Variants in ZNF407 observed in about 807,000 individuals in gnomAD.
The protein encoded by ZNF407 is zinc finger protein 407.
ZNF407 carries 17 observed loss-of-function variants against 131.2 expected under a neutral mutation model. The observed-to-expected ratio is 0.13, with a 90% confidence interval of 0.09 to 0.19. The LOEUF (loss-of-function observed/expected upper bound fraction) is 0.19. Ranked by LOEUF, ZNF407 falls within the 10% of genes least tolerant of loss-of-function variation. The pLI is 1.00. For synonymous variants in ZNF407, 1,156 were observed against 1,062.0 expected, an observed-to-expected ratio of 1.09 and a Z score of -1.72; for missense variants, 2,681 against 2,830.6, an observed-to-expected ratio of 0.95 and a Z score of 1.20.
At chr18:74,909,214 G>A (rs1207168729) in intron 7 of ZNF407, among the ~76,000 whole-genome samples, 1 of 151,836 alleles carries the variant, frequency 6.6e-6, no homozygotes, top group Non-Finnish European at 1.5e-5. Context: ...TAACTGTTTG[G>A]GAATCTATTT....
At chr18:74,881,422 G>A (rs28733896) in intron 6 of ZNF407, among the ~76,000 whole-genome samples, 4,449 of 152,194 alleles carry the variant, frequency 0.029, 213 homozygotes, top group African/African-American at 0.099. Flanking sequence ...TTCTCTGTCC[G>A]CAAATCTCTG....
chr18:74,671,733 A>G (rs1221334003), intron 3 of ZNF407, among the ~76,000 whole-genome samples: 1 of 152,124 alleles, frequency 6.6e-6, no homozygotes, highest in Non-Finnish European at 1.5e-5. Context: ...ATGCCACAAA[A>G]TCCCTTTTGT....
intron 4 of ZNF407, among the ~76,000 whole-genome samples, chr18:74,861,755 G>A (rs1470733535): frequency 6.6e-6 from 1 of 151,896 alleles, no homozygotes; most frequent in Non-Finnish European, 1.5e-5. Flanking sequence ...TTTTATATTC[G>A]TGTTATATTC....
At chr18:74,858,222 A>G (rs1970887478) in intron 4 of ZNF407, among the ~76,000 whole-genome samples, 1 of 150,020 alleles carries the variant, frequency 6.7e-6, no homozygotes, top group Non-Finnish European at 1.5e-5. Context: ...TCCTCATGAC[A>G]GAAATAATGA....
At chr18:75,020,367 C>A (rs115141195) in intron 8 of ZNF407, among the ~76,000 whole-genome samples, 2,065 of 151,524 alleles carry the variant, frequency 0.014, 43 homozygotes, top group African/African-American at 0.046. Context: ...CTGGTACTAT[C>A]TGTGATTTCA....
intron 1 of ZNF407, among the ~76,000 whole-genome samples, chr18:74,623,466 A>T (rs557724957): frequency 6.6e-6 from 1 of 152,298 alleles, no homozygotes; most frequent in East Asian, 1.9e-4. Context: ...GAAATGAGAG[A>T]TTGAAATGAG....
At chr18:74,605,135 A>G (rs907913889) in intron 1 of ZNF407, among the ~76,000 whole-genome samples, 1 of 152,112 alleles carries the variant, frequency 6.6e-6, no homozygotes, top group African/African-American at 2.4e-5. Flanking sequence ...TTCTCTTGAT[A>G]TTTGGGGTCT....
At chr18:74,880,962 C>T in intron 5 of ZNF407, 74 bp from the exon 6 acceptor site, 1 of 1,276,396 alleles carries the variant, frequency 7.8e-7, no homozygotes. Flanking sequence ...AATTAGTAAC[C>T]CTGAAAGCCT....
chr18:74,612,924 G>A (rs1983127720), intron 1 of ZNF407, among the ~76,000 whole-genome samples: 1 of 152,202 alleles, frequency 6.6e-6, no homozygotes, highest in Admixed American at 6.5e-5. Flanking sequence ...GCAGAAATGG[G>A]AGTGTGGAAG....
chr18:74,822,403 AC>A (rs1188674103), intron 4 of ZNF407, among the ~76,000 whole-genome samples: 1 of 152,068 alleles, frequency 6.6e-6, no homozygotes, highest in Non-Finnish European at 1.5e-5. Flanking sequence ...TTTAGGTCTT[AC>A]TCTTAAGTCT....
At chr18:74,901,404 C>A (rs1367599136) in intron 7 of ZNF407, among the ~76,000 whole-genome samples, 1 of 152,206 alleles carries the variant, frequency 6.6e-6, no homozygotes, top group African/African-American at 2.4e-5. Flanking sequence ...ACTTTTGGCA[C>A]CATTTCTGCA....
chr18:74,872,766 GA>G (rs5826351), intron 4 of ZNF407, among the ~76,000 whole-genome samples: 58,333 of 123,152 alleles, frequency 0.47, 12,953 homozygotes, highest in Non-Finnish European at 0.56. Flanking sequence ...AAAAAAAAAA[GA>G]AAAAAAAAAA....
intron 3 of ZNF407, among the ~76,000 whole-genome samples, chr18:74,711,153 G>A (rs1274235679): frequency 6.6e-6 from 1 of 152,094 alleles, no homozygotes; most frequent in Admixed American, 6.5e-5. Flanking sequence ...TTCAAAATAA[G>A]TCGCCTAAAA....
chr18:74,616,433 T>G (rs1405187552), intron 1 of ZNF407, among the ~76,000 whole-genome samples: 1 of 152,066 alleles, frequency 6.6e-6, no homozygotes, highest in African/African-American at 2.4e-5. Flanking sequence ...AAGAAAACCT[T>G]TGTCGTTTTT....
At chr18:74,965,205 G>A (rs565581170) in intron 8 of ZNF407, among the ~76,000 whole-genome samples, 2 of 152,130 alleles carry the variant, frequency 1.3e-5, no homozygotes, top group South Asian at 2.1e-4. Context: ...AAATTATTAT[G>A]TACTATAGTT....
At chr18:74,809,883 T>A (rs1970169772) in intron 4 of ZNF407, among the ~76,000 whole-genome samples, 1 of 152,122 alleles carries the variant, frequency 6.6e-6, no homozygotes, top group Admixed American at 6.6e-5. Context: ...GTCAGATTGG[T>A]GATAAATGTT....
intron 4 of ZNF407, among the ~76,000 whole-genome samples, chr18:74,813,780 G>T (rs146164174): frequency 1.3e-5 from 2 of 152,158 alleles, no homozygotes; most frequent in Admixed American, 6.5e-5. Flanking sequence ...CTTGAAGGAC[G>T]TGGTGGTTGT....
intron 4 of ZNF407, among the ~76,000 whole-genome samples, chr18:74,836,040 GGCAC>G: frequency 6.6e-6 from 1 of 151,792 alleles, no homozygotes; most frequent in East Asian, 1.9e-4. Context: ...AGGAAATTAG[GGCAC>G]AATTAGATGT....
At chr18:74,724,544 G>C (rs75522270) in intron 3 of ZNF407, among the ~76,000 whole-genome samples, 1 of 151,772 alleles carries the variant, frequency 6.6e-6, no homozygotes, top group South Asian at 2.1e-4. Context: ...TTTTTTTTAA[G>C]ATTTCTCTCT....
Sources: gnomAD v4.1 joint callset for allele counts (sites outside exome capture counted in the v4.1 genomes callset) on GRCh38, gnomAD v4.1.1 for gene constraint, MANE v1.5 for transcripts, NCBI Gene and HGNC (gene_info 2026-07-23, HGNC 2026-07-21) for gene names.